Variants in PCDH11X observed in about 807,000 individuals in gnomAD.
PCDH11X encodes the protein protocadherin-11 X-linked.
Under a neutral mutation model 53.3 loss-of-function variants are expected in PCDH11X, and 18 were observed. The observed-to-expected ratio is 0.34, with a 90% CI of 0.23 to 0.50. The LOEUF is 0.50. Among genes scored for constraint, PCDH11X ranks in the 20% least tolerant of loss-of-function variants. The pLI is 0.98. For synonymous variants in PCDH11X, 279 were observed against 393.3 expected, an observed-to-expected ratio of 0.71 and a Z score of 3.44; for missense variants, 570 against 1,032.4, an observed-to-expected ratio of 0.55 and a Z score of 6.14.
chrX:92,274,923 G>C (rs2068048712), intron 8 of PCDH11X, among the ~76,000 whole-genome samples: 1 of 110,170 alleles, frequency 9.1e-6, no homozygotes, highest in Non-Finnish European at 1.9e-5. Flanking sequence ...TGGGGGTCAG[G>C]TGTGGTATCA....
intron 10 of PCDH11X, among the ~76,000 whole-genome samples, chrX:92,491,465 AT>A (rs1369467793): frequency 4.5e-5 from 5 of 109,902 alleles, no homozygotes; most frequent in Admixed American, 3.9e-4. Flanking sequence ...TATTGTCTAT[AT>A]TTAAGGTGTT....
At chrX:92,006,587 C>G (rs1196235395) in intron 6 of PCDH11X, among the ~76,000 whole-genome samples, 3 of 110,717 alleles carry the variant, frequency 2.7e-5, no homozygotes, top group Non-Finnish European at 5.7e-5. Flanking sequence ...GGTCACATAC[C>G]CCTGTTCCTC....
intron 1 of PCDH11X, among the ~76,000 whole-genome samples, chrX:91,805,181 A>G (rs1396877155): frequency 9.3e-6 from 1 of 108,047 alleles, no homozygotes; most frequent in African/African-American, 3.3e-5. Flanking sequence ...ATTTAAATGT[A>G]GTAGCCATTT....
rs1473338415 is a variant in PCDH11X at position 92,376,703 on chromosome X, A to C, written c.3145-11032A>C. Among the ~76,000 whole-genome samples the C allele has an allele frequency of 3.6e-5, 4 of 112,073 alleles. No homozygotes were observed. In the East Asian group the frequency reaches 1.1e-3, roughly 31 times the overall value. On this transcript the variant is annotated intron_variant, in intron 8 of 10. Coordinates refer to ENST00000682573, the MANE Select transcript of PCDH11X (RefSeq NM_032968.5). ...TCTTTCTTTAGGTAAAATAAATAGC[A>C]CCTGATTCTTCCTCTTTTCAGTATC...
Position 91,813,187 on chromosome X carries a change from C to A in PCDH11X, c.-45+1892C>A, listed in dbSNP as rs748459993. On this transcript the variant is annotated intron_variant, in intron 4 of 10. Transcript: ENST00000682573. ...TTTTAAGGAGTGGAAGAAAAATTGA[C>A]GAGTAATGGAATATGCTAATTGAAT... Among the ~76,000 whole-genome samples, 170 of 111,024 alleles carry A rather than the reference C, an allele frequency of 1.5e-3. 1 individual carries two copies. Among genetic ancestry groups the A allele is most frequent in the African/African-American group, 5.3e-3 (161 of 30,636 alleles).
At chrX:92,287,078 T>C (rs748617649) in intron 8 of PCDH11X, among the ~76,000 whole-genome samples, 2 of 111,713 alleles carry the variant, frequency 1.8e-5, no homozygotes, top group African/African-American at 6.5e-5. Flanking sequence ...TTTAAGACAA[T>C]GGGTGCCAAA....
At position 92,575,942 on chromosome X, in the gene PCDH11X, TATACAC is replaced by T. The variant is rs1409664640; in HGVS notation, c.3368-42320_3368-42315del. Among the ~76,000 whole-genome samples the T allele has an allele frequency of 6.4e-4, 15 of 23,457 alleles. 1 individual carries two copies. The highest frequency in any genetic ancestry group is 3.4e-3 in the African/African-American group (15 of 4,417). 20.4% of individuals were successfully genotyped at this position (23,457 alleles called of 115,157 possible). ...ATATATATATATATATATATATATA[TATACAC>T]ACACACACACACACACACACACCTG... On this transcript the variant is annotated intron_variant, in intron 10 of 10. Coordinates refer to ENST00000682573, the MANE Select transcript of PCDH11X (RefSeq NM_032968.5).
intron 5 of PCDH11X, among the ~76,000 whole-genome samples, chrX:91,836,665 T>A (rs895476911): frequency 2.7e-5 from 3 of 111,587 alleles, no homozygotes; most frequent in Non-Finnish European, 3.8e-5. Context: ...TTCATTTTTT[T>A]ACAATTATTT....
chrX:91,904,159 T>A (rs971359036), intron 6 of PCDH11X, among the ~76,000 whole-genome samples: 2 of 111,203 alleles, frequency 1.8e-5, no homozygotes, highest in African/African-American at 6.5e-5. Flanking sequence ...TAGGAAATAG[T>A]ATATGATAAA....
intron 8 of PCDH11X, among the ~76,000 whole-genome samples, chrX:92,353,844 G>A (rs1490672782): frequency 9.1e-6 from 1 of 109,666 alleles, no homozygotes; most frequent in Non-Finnish European, 1.9e-5. Context: ...GGACTACACT[G>A]GCCTTGAGTC....
intron 6 of PCDH11X, among the ~76,000 whole-genome samples, chrX:92,187,743 T>A (rs1603137286): frequency 8.9e-6 from 1 of 112,166 alleles, no homozygotes; most frequent in Admixed American, 9.5e-5. Context: ...TACCAAGTCT[T>A]ATTAAATACC....
intron 6 of PCDH11X, among the ~76,000 whole-genome samples, chrX:91,968,909 T>G (rs67685273): frequency 0.28 from 30,816 of 110,761 alleles, 3,205 homozygotes; most frequent in East Asian, 0.38. Flanking sequence ...AGACGTCAAT[T>G]CAACTTAGAA....
intron 10 of PCDH11X, among the ~76,000 whole-genome samples, chrX:92,608,469 C>A (rs767886653): frequency 1.1e-3 from 120 of 108,969 alleles, no homozygotes; most frequent in Non-Finnish European, 2.0e-3. Flanking sequence ...CTTAGAAAAC[C>A]TTTGTATTAT....
intron 6 of PCDH11X, among the ~76,000 whole-genome samples, chrX:92,093,086 C>T (rs1026787219): frequency 1.1e-4 from 12 of 111,355 alleles, no homozygotes; most frequent in Non-Finnish European, 1.9e-4. Context: ...AGTTTCCTGA[C>T]GCCTCCTCAG....
Position 92,196,024 on chromosome X carries a change from A to G in PCDH11X, c.3034-5351A>G, listed in dbSNP as rs527930050. 1.1e-4 allele frequency among the ~76,000 whole-genome samples: 12 copies of G among 111,986 alleles called. 1 individual carries two copies. The South Asian group carries it at 4.4e-3, about 41-fold the overall frequency. ...ATGAAAATTCAGTTTGTGAGTTTAT[A>G]TGGGAACACTTTACTCTGTGTAACT... On this transcript the variant is annotated intron_variant, in intron 6 of 10. Coordinates refer to ENST00000682573, the MANE Select transcript of PCDH11X (RefSeq NM_032968.5).
chrX:92,191,204 C>G (rs2066186497), intron 6 of PCDH11X, among the ~76,000 whole-genome samples: 1 of 112,200 alleles, frequency 8.9e-6, no homozygotes, highest in African/African-American at 3.2e-5. Flanking sequence ...GATAATTGCT[C>G]AAGGTTAAAG....
At chrX:92,526,066 A>G (rs1312231969) in intron 10 of PCDH11X, among the ~76,000 whole-genome samples, 1 of 111,530 alleles carries the variant, frequency 9.0e-6, no homozygotes, top group Non-Finnish European at 1.9e-5. Flanking sequence ...TTTGAAGAGT[A>G]TCTGCCCTTA....
intron 10 of PCDH11X, among the ~76,000 whole-genome samples, chrX:92,613,788 G>T (rs963701578): frequency 9.1e-6 from 1 of 109,777 alleles, no homozygotes; most frequent in Non-Finnish European, 1.9e-5. Flanking sequence ...TAATTTGTAG[G>T]TTTCTTCGCT....
intron 6 of PCDH11X, among the ~76,000 whole-genome samples, chrX:91,927,942 G>A (rs1264408944): frequency 1.8e-5 from 2 of 111,253 alleles, no homozygotes; most frequent in African/African-American, 6.5e-5. Context: ...TTGTTTACTA[G>A]GGGATCTTTC....
Sources: gnomAD v4.1 joint callset for allele counts (sites outside exome capture counted in the v4.1 genomes callset) on GRCh38, gnomAD v4.1.1 for gene constraint, MANE v1.5 for transcripts, NCBI Gene and HGNC (gene_info 2026-07-23, HGNC 2026-07-21) for gene names.